TMPRSS11D: variants seen among roughly 807,000 people sequenced by gnomAD.
The protein encoded by TMPRSS11D is transmembrane protease serine 11D.
A neutral mutation model predicts 44.4 loss-of-function variants in TMPRSS11D; 32 were observed. That is an observed-to-expected ratio of 0.72 (90% CI 0.54 to 0.97). The LOEUF (loss-of-function observed/expected upper bound fraction) is 0.97, where lower values mean the gene tolerates loss of function less well. Ranked by LOEUF, TMPRSS11D falls within the 50% of genes least tolerant of loss-of-function variation. The pLI is 0.00. For missense variants in TMPRSS11D, 446 were observed against 502.6 expected, an observed-to-expected ratio of 0.89 and a Z score of 1.08; for synonymous variants, 179 against 177.9, an observed-to-expected ratio of 1.01 and a Z score of -0.05.
intron 4 of TMPRSS11D, among the ~76,000 whole-genome samples, chr4:67,840,728 C>T (rs905591654): frequency 6.6e-6 from 1 of 152,112 alleles, no homozygotes; most frequent in African/African-American, 2.4e-5. Flanking sequence ...CCCCATTTTA[C>T]ACAATGTGAT....
intron 5 of TMPRSS11D, among the ~76,000 whole-genome samples, chr4:67,835,904 G>C (rs563274074): frequency 1.3e-5 from 2 of 152,068 alleles, no homozygotes; most frequent in Non-Finnish European, 2.9e-5. Flanking sequence ...GCCTGGAAAG[G>C]AAAATATGTC....
chr4:67,831,965 A>T (rs190151462), intron 7 of TMPRSS11D, among the ~76,000 whole-genome samples: 1 of 152,214 alleles, frequency 6.6e-6, no homozygotes, highest in African/African-American at 2.4e-5. Context: ...CGTTTGTAAC[A>T]GTCACTGTAC....
At position 67,838,047 on chromosome 4, in the gene TMPRSS11D, A is replaced by G. The variant is rs1019937333; in HGVS notation, c.475+125T>C. ...GCTATATGGTATATTTAGCTTTTTAATGGATTGTTTTCACAGTTTAGTTTC... is the reference window on the plus strand; with the variant it reads ...GCTATATGGTATATTTAGCTTTTTAGTGGATTGTTTTCACAGTTTAGTTTC... On this transcript the variant is annotated intron_variant, in intron 5 of 9. Transcript: ENST00000283916. 5 of 784,400 alleles carry G rather than the reference A, an allele frequency of 6.4e-6. No homozygotes were observed. In the African/African-American group the frequency reaches 9.1e-5, roughly 14 times the overall value. 48.6% of individuals were successfully genotyped at this position (784,400 alleles called of 1,614,324 possible).
intron 7 of TMPRSS11D, among the ~76,000 whole-genome samples, chr4:67,830,072 G>T (rs1717907765): frequency 6.6e-6 from 1 of 152,022 alleles, no homozygotes; most frequent in Non-Finnish European, 1.5e-5. Context: ...AAGGAAATAT[G>T]GTGGCTGCAT....
intron 1 of TMPRSS11D, among the ~76,000 whole-genome samples, chr4:67,872,393 TA>T (rs1482899991): frequency 1.3e-5 from 2 of 152,096 alleles, no homozygotes; most frequent in East Asian, 1.9e-4. Flanking sequence ...CCGTAAATTA[TA>T]AAAAAATACT....
intron 2 of TMPRSS11D, among the ~76,000 whole-genome samples, chr4:67,856,659 G>A (rs960120449): frequency 6.6e-6 from 1 of 151,988 alleles, no homozygotes; most frequent in Non-Finnish European, 1.5e-5. Context: ...AAAAGCTTCT[G>A]CACAGCAAAG....
intron 7 of TMPRSS11D, among the ~76,000 whole-genome samples, chr4:67,832,175 A>G (rs1406964730): frequency 6.6e-6 from 1 of 152,180 alleles, no homozygotes; most frequent in African/African-American, 2.4e-5. Flanking sequence ...ACATGCTTTG[A>G]GAAATAAGAC....
intron 1 of TMPRSS11D, among the ~76,000 whole-genome samples, chr4:67,865,820 TA>T (rs1231291350): frequency 6.6e-6 from 1 of 151,550 alleles, no homozygotes; most frequent in East Asian, 1.9e-4. Context: ...AACAGACCAA[TA>T]ATGAGTAGTA....
At chr4:67,854,207 A>G (rs1295463473) in intron 2 of TMPRSS11D, 21 bp from the exon 3 acceptor site, 2 of 1,242,678 alleles carry the variant, frequency 1.6e-6, no homozygotes, top group Non-Finnish European at 1.2e-6. Flanking sequence ...AATAAAAGGG[A>G]AGGTCAGTCT....
At chr4:67,844,053 T>A (rs1263354346) in intron 3 of TMPRSS11D, among the ~76,000 whole-genome samples, 2 of 152,240 alleles carry the variant, frequency 1.3e-5, no homozygotes, top group Non-Finnish European at 2.9e-5. Flanking sequence ...CTGGAAGTGC[T>A]GTGGCTGATA....
chr4:67,823,189 C>T lies in TMPRSS11D; in HGVS notation c.1096-691G>A, dbSNP rs1051556545. ...TAGAAGTCTCACTTATCTTCCTAAC[C>T]TTAGCACCCTGCGTGGTGTCTGATG... On this transcript the variant is annotated intron_variant, in intron 9 of 9. Coordinates refer to ENST00000283916, the MANE Select transcript of TMPRSS11D (RefSeq NM_004262.3). 2.0e-5 allele frequency among the ~76,000 whole-genome samples: 3 copies of T among 152,124 alleles called. 1 individual carries two copies. The East Asian group carries it at 5.8e-4, about 29-fold the overall frequency.
At chr4:67,851,116 T>G (rs1560543332) in intron 3 of TMPRSS11D, among the ~76,000 whole-genome samples, 1 of 152,194 alleles carries the variant, frequency 6.6e-6, no homozygotes, top group African/African-American at 2.4e-5. Flanking sequence ...CGGGAGCTGG[T>G]GCTGTCCTGA....
At chr4:67,849,881 G>T (rs987800121) in intron 3 of TMPRSS11D, among the ~76,000 whole-genome samples, 6 of 152,068 alleles carry the variant, frequency 3.9e-5, no homozygotes, top group Non-Finnish European at 8.8e-5. Flanking sequence ...CAGCTCAATG[G>T]CCTTTGATGC....
At chr4:67,859,419 G>T in intron 2 of TMPRSS11D, 138 bp downstream of exon 2, 1 of 1,068,558 alleles carries the variant, frequency 9.4e-7, no homozygotes, top group Non-Finnish European at 1.3e-6. Context: ...TCTATATTTG[G>T]GGAAGAATTA....
chr4:67,869,426 A>G (rs983654722), intron 1 of TMPRSS11D, among the ~76,000 whole-genome samples: 2 of 152,180 alleles, frequency 1.3e-5, no homozygotes, highest in African/African-American at 4.8e-5. Flanking sequence ...CCTATACGCT[A>G]TATAATTTAT....
At chr4:67,833,540 A>C in intron 6 of TMPRSS11D, 159 bp from the exon 7 acceptor site, 1 of 583,222 alleles carries the variant, frequency 1.7e-6, no homozygotes, top group Non-Finnish European at 2.6e-6. Flanking sequence ...TATTTCTACA[A>C]TGCATTTGTG....
chr4:67,840,152 G>T (rs1049604599), intron 4 of TMPRSS11D, among the ~76,000 whole-genome samples: 3 of 152,144 alleles, frequency 2.0e-5, no homozygotes, highest in Admixed American at 2.0e-4. Flanking sequence ...ACATCATGAG[G>T]TGTGTATTAG....
intron 7 of TMPRSS11D, among the ~76,000 whole-genome samples, chr4:67,829,559 T>A (rs1476475457): frequency 6.6e-6 from 1 of 151,654 alleles, no homozygotes; most frequent in Non-Finnish European, 1.5e-5. Context: ...TAAATCAAAA[T>A]TAGATATACC....
In TMPRSS11D at chr4:67,825,374, A is replaced by C. The variant is rs148129436; in HGVS notation, c.1095+358T>G. Among the ~76,000 whole-genome samples the C allele has an allele frequency of 3.7e-3, 569 of 152,174 alleles. 4 individuals carry two copies. The highest frequency in any genetic ancestry group is 0.013 in the African/African-American group (541 of 41,556). ...CTTTGTTGTTTACCATGTGCCTGAT[A>C]TATTTAGTCTTCATTTAACTTTTCT... is the stretch of plus-strand genomic sequence containing the variant. On this transcript the variant is annotated intron_variant, in intron 9 of 9. Transcript: ENST00000283916.
Sources: allele counts gnomAD v4.1 joint callset (sites outside exome capture counted in the v4.1 genomes callset), GRCh38; gene constraint gnomAD v4.1.1; transcripts MANE v1.5; gene names NCBI Gene and HGNC (gene_info 2026-07-23, HGNC 2026-07-21).